Variants in MKRN1 observed in about 807,000 individuals in gnomAD.
MKRN1 encodes the protein makorin ring finger protein 1, also known as E3 ubiquitin-protein ligase makorin-1.
In MKRN1, 9 loss-of-function variants were observed where a neutral mutation model predicts 55.5. The ratio of observed to expected loss-of-function variants is 0.16; its 90% CI spans 0.10 to 0.28. MKRN1 has a LOEUF of 0.28. MKRN1 is among the 10% of genes least tolerant of loss of function. MKRN1 has a pLI of 1.00. For synonymous variants in MKRN1, 253 were observed against 235.9 expected, an observed-to-expected ratio of 1.07 and a Z score of -0.66; for missense variants, 488 against 626.7, an observed-to-expected ratio of 0.78 and a Z score of 2.36.
At chr7:140,461,988 G>GA (rs897274729) in intron 2 of MKRN1, among the ~76,000 whole-genome samples, 69 of 152,152 alleles carry the variant, frequency 4.5e-4, no homozygotes, top group Non-Finnish European at 7.9e-4. Context: ...CATCTCGAAA[G>GA]AAAAGAAAAG....
chr7:140,476,784 C>G (rs547125400), intron 1 of MKRN1, among the ~76,000 whole-genome samples: 16 of 151,724 alleles, frequency 1.1e-4, no homozygotes, highest in South Asian at 4.2e-4. Context: ...TCAAAGTGAA[C>G]GATAAGGATC....
chr7:140,476,661 GATACTCAGTA>G (rs1356420717), intron 1 of MKRN1, among the ~76,000 whole-genome samples: 3 of 151,210 alleles, frequency 2.0e-5, no homozygotes, highest in African/African-American at 7.3e-5. Context: ...ATCTGCTCAG[GATACTCAGTA>G]ACTGAGTATC....
At chr7:140,458,012 T>C (rs142112118) in intron 4 of MKRN1, among the ~76,000 whole-genome samples, 197 of 152,242 alleles carry the variant, frequency 1.3e-3, no homozygotes, top group Middle Eastern at 3.4e-3. Flanking sequence ...TTTGCTCCAA[T>C]AAAGTTAAAG....
At chr7:140,462,087 G>T (rs1794637067) in intron 2 of MKRN1, among the ~76,000 whole-genome samples, 1 of 152,222 alleles carries the variant, frequency 6.6e-6, no homozygotes, top group Non-Finnish European at 1.5e-5. Flanking sequence ...GAGTGCAGTA[G>T]CGTGACCTTA....
rs750043239 is a variant in MKRN1 at position 140,473,992 on chromosome 7, C to CA, written c.186-1982dup. Among the ~76,000 whole-genome samples the CA allele has an allele frequency of 5.3e-3, 81 of 15,214 alleles. 2 individuals carry two copies. Among genetic ancestry groups the CA allele is most frequent in the South Asian group, 0.015 (9 of 614 alleles). 10.0% of individuals were successfully genotyped at this position (15,214 alleles called of 152,430 possible). On this transcript the variant is annotated intron_variant, in intron 1 of 7. Transcript: ENST00000255977. ...GGGCAACAACAGCGAAACTCCGTCT[C>CA]AAAAAAAAAAAAAAAAGAAAGAAAG...
rs1183151718 is a variant in MKRN1, at chr7:140,453,086, C to T, written c.*1431G>A. On this transcript the variant is annotated 3_prime_UTR_variant, in exon 8 of 8. Coordinates refer to ENST00000255977, the MANE Select transcript of MKRN1 (RefSeq NM_013446.4). ...ATTGTTTTATTTGGGAAAAGTGCTT[C>T]TTACAAAAGGGCAGCTGCAAAATAC... 6.6e-6 allele frequency: 1 copy of T among 152,664 alleles called. No homozygotes were observed. The highest frequency in any genetic ancestry group is 2.1e-4 in the South Asian group (1 of 4,830). 9.5% of individuals were successfully genotyped at this position (152,664 alleles called of 1,614,324 possible). A position where few individuals can be genotyped will look rare whatever the true frequency, so the allele number is the denominator to read the frequency against.
rs371673846 is a variant in MKRN1, at chr7:140,466,979, C to CTT, written c.314+4902_314+4903dup. ...CAATTAAGGTTCCTTTCAACTTTTT[C>CTT]TTTTTTTTTTTTTTTGAGACAGAGT... On this transcript the variant is annotated intron_variant, in intron 2 of 7. Transcript: ENST00000255977. Among the ~76,000 whole-genome samples, 147 of 142,446 alleles carry CTT rather than the reference C, an allele frequency of 1.0e-3. 4 individuals carry two copies. In the East Asian group the frequency reaches 0.024, roughly 23 times the overall value. The allele number at this position is 142,446 out of a possible 152,430, so 93.5% of individuals were successfully genotyped here.
intron 1 of MKRN1, among the ~76,000 whole-genome samples, chr7:140,476,812 G>A (rs1046057846): frequency 6.6e-6 from 1 of 152,014 alleles, no homozygotes; most frequent in Admixed American, 6.6e-5. Flanking sequence ...GGGTGCGGTG[G>A]CTCACGCCTC....
At chr7:140,461,602 T>C (rs1372752419) in intron 2 of MKRN1, among the ~76,000 whole-genome samples, 1 of 151,854 alleles carries the variant, frequency 6.6e-6, no homozygotes, top group African/African-American at 2.4e-5. Flanking sequence ...GCCACTGCAT[T>C]CCAGCCTGGG....
At chr7:140,471,806 T>C in intron 2 of MKRN1, 77 bp downstream of exon 2, 1 of 1,548,514 alleles carries the variant, frequency 6.5e-7, no homozygotes, top group Non-Finnish European at 8.8e-7. Context: ...ATCAGTGACA[T>C]ATAAAGCTAT....
Position 140,479,285 on chromosome 7 carries a change from CGCT to C in MKRN1, c.57_59del (p.Ala21del). 7.2e-7 allele frequency: 1 copy of C among 1,388,012 alleles called. No homozygotes were observed. Among genetic ancestry groups the C allele is most frequent in the Non-Finnish European group, 9.3e-7 (1 of 1,070,746 alleles). 86.0% of individuals were successfully genotyped at this position (1,388,012 alleles called of 1,614,324 possible). A position where few individuals can be genotyped will look rare whatever the true frequency, so the allele number is the denominator to read the frequency against. ...TGGGGGAGGCTGCTGCCGCCGTCGC[CGCT>C]GCCGCTCCTGCTCCTGATGTTGTGG... On this transcript the variant is annotated inframe_deletion, in exon 1 of 8. Transcript: ENST00000255977.
chr7:140,455,608 C>A (rs1794446049), intron 6 of MKRN1, 182 bp downstream of exon 6: 2 of 591,552 alleles, frequency 3.4e-6, no homozygotes, highest in Admixed American at 3.0e-5. Flanking sequence ...TGGCATGGAC[C>A]CCAAGGACTG....
chr7:140,470,068 A>AT (rs1437988294), intron 2 of MKRN1, among the ~76,000 whole-genome samples: 9 of 150,786 alleles, frequency 6.0e-5, no homozygotes, highest in African/African-American at 2.2e-4. Context: ...AAAAAAAAAA[A>AT]AAATTAGCCA....
intron 1 of MKRN1, chr7:140,478,823 A>C: frequency 5.4e-6 from 1 of 183,510 alleles, no homozygotes; most frequent in Non-Finnish European, 1.1e-5. Flanking sequence ...GCGGCAGGGG[A>C]GGAGCCAGCC....
intron 1 of MKRN1, 137 bp downstream of exon 1, chr7:140,479,023 T>C (rs995409150): frequency 1.7e-5 from 19 of 1,086,826 alleles, no homozygotes; most frequent in South Asian, 1.7e-4. Context: ...CCGCGAGGGC[T>C]GCAGAGATCG....
Position 140,454,513 on chromosome 7 carries a change from G to A in MKRN1, c.*4C>T. The stretch of plus-strand genomic sequence containing the variant: ...CAGACCAGTTCACACGCCACGCAAG[G>A]TTGCTATAGATCCAAGTCATAAAAA... On this transcript the variant is annotated 3_prime_UTR_variant, in exon 8 of 8. Transcript: ENST00000255977. The A allele has an allele frequency of 6.2e-7, 1 of 1,610,750 alleles. No individual in the cohort carries two copies. Among genetic ancestry groups the A allele is most frequent in the Non-Finnish European group, 8.5e-7 (1 of 1,179,264 alleles).
At chr7:140,474,007 A>AAGAAAGAAAGAAAGAAAGAG (rs1795027510) in intron 1 of MKRN1, among the ~76,000 whole-genome samples, 1 of 21,758 alleles carries the variant, frequency 4.6e-5, no homozygotes, top group Non-Finnish European at 7.6e-5. Context: ...AAAAAAAAAA[A>AAGAAAGAAAGAAAGAAAGAG]AGAAAGAAAG....
chr7:140,463,883 C>CAT (rs1794696951), intron 2 of MKRN1, among the ~76,000 whole-genome samples: 1 of 150,422 alleles, frequency 6.6e-6, no homozygotes, highest in Non-Finnish European at 1.5e-5. Context: ...AGCAAGACTC[C>CAT]ATCTCAAAAA....
intron 2 of MKRN1, among the ~76,000 whole-genome samples, chr7:140,462,565 C>T (rs1422200079): frequency 2.0e-5 from 3 of 152,116 alleles, no homozygotes; most frequent in Non-Finnish European, 4.4e-5. Context: ...TTACCTCAAA[C>T]ATTCATATTC....
Sources: allele counts gnomAD v4.1 joint callset (sites outside exome capture counted in the v4.1 genomes callset), GRCh38; gene constraint gnomAD v4.1.1; transcripts MANE v1.5; gene names NCBI Gene and HGNC (gene_info 2026-07-23, HGNC 2026-07-21).